ABCA1: variants seen among roughly 807,000 people sequenced by gnomAD.
ABCA1 encodes phospholipid-transporting ATPase ABCA1.
Under a neutral mutation model 262.5 loss-of-function variants are expected in ABCA1, and 133 were observed. The ratio of observed to expected loss-of-function variants is 0.51; its 90% CI spans 0.44 to 0.59. The LOEUF (loss-of-function observed/expected upper bound fraction) is 0.59. Ranked by LOEUF, ABCA1 falls within the 20% of genes least tolerant of loss-of-function variation. The pLI is 0.00. For missense variants in ABCA1, 2,452 were observed against 2,777.5 expected (o/e 0.88, Z 2.63); for synonymous variants, 1,022 against 1,043.5 (o/e 0.98, Z 0.40).
intron 22 of ABCA1, 146 bp from the exon 23 acceptor site, chr9:104,819,029 C>A: frequency 3.9e-6 from 3 of 772,816 alleles, no homozygotes; most frequent in Non-Finnish European, 6.7e-6. Flanking sequence ...GCTATGACCC[C>A]TAGAATGGCA....
At chr9:104,794,069 G>C (rs992160832) in intron 40 of ABCA1, among the ~76,000 whole-genome samples, 8 of 152,308 alleles carry the variant, frequency 5.3e-5, no homozygotes, top group Admixed American at 2.0e-4. Flanking sequence ...TCAAAGTTAT[G>C]GTTTGACTTT....
At chr9:104,840,597 G>C in intron 8 of ABCA1, 78 bp from the exon 9 acceptor site, 1 of 1,364,488 alleles carries the variant, frequency 7.3e-7, no homozygotes, top group Non-Finnish European at 1.0e-6. Flanking sequence ...GATGAGAAGA[G>C]AAAGAAACAT....
chr9:104,793,982 C>T (rs374220072), intron 40 of ABCA1, among the ~76,000 whole-genome samples: 1 of 152,042 alleles, frequency 6.6e-6, no homozygotes, highest in East Asian at 1.9e-4. Flanking sequence ...AATAAATGAC[C>T]TCATCTGCAG....
chr9:104,798,448 G>A lies in ABCA1; in HGVS notation c.5094C>T (p.Tyr1698=), dbSNP rs147570976. 84 of 1,614,230 alleles carry A rather than the reference G, an allele frequency of 5.2e-5. No individual in the cohort carries two copies. In the African/African-American group the frequency reaches 1.0e-3, roughly 19 times the overall value. The part of the protein sequence containing the change: ...QFISGVKPVI[Y]WLSNFVWDMC... ...TATCCCAGACAAAATTAGAGAGCCA[G>A]TAGATGACAGGCTTCACTCCACTGA... The change falls in exon 37 of 50, where the codon TAC becomes TAT. Residue 1698 remains tyrosine, a synonymous_variant. Coordinates refer to ENST00000374736, the MANE Select transcript of ABCA1 (RefSeq NM_005502.4).
intron 8 of ABCA1, among the ~76,000 whole-genome samples, chr9:104,843,280 C>T (rs1834550307): frequency 1.3e-5 from 2 of 152,218 alleles, no homozygotes; most frequent in African/African-American, 4.8e-5. Context: ...CAATGCCAGG[C>T]AGCTGGTCGG....
chr9:104,887,095 T>C (rs1429268461), intron 3 of ABCA1, among the ~76,000 whole-genome samples: 1 of 152,040 alleles, frequency 6.6e-6, no homozygotes, highest in East Asian at 1.9e-4. Context: ...GTGGTCAACA[T>C]GGCAAAACCC....
rs1208691126 is a variant in ABCA1 at position 104,858,650 on chromosome 9, A to T, written c.592T>A (p.Ser198Thr). The part of the protein sequence containing the change: ...QLHLTSLCNG[S>T]KSEEMIQLGD... The stretch of plus-strand genomic sequence containing the variant: ...AGTTGAATCATCTCTTCTGATTTTG[A>T]TCCATTGCACAGACTTGTCAAATGT... The change falls in exon 7 of 50, where the codon TCA (serine) becomes ACA (threonine). Residue 198 changes from serine to threonine, a missense_variant. Physicochemically the swap from Ser to Thr is moderately conservative, Grantham distance 58. Transcript: ENST00000374736. 2 of 1,614,216 alleles carry T rather than the reference A, an allele frequency of 1.2e-6. No individual in the cohort carries two copies. The highest frequency in any genetic ancestry group is 1.7e-6 in the Non-Finnish European group (2 of 1,180,042).
At chr9:104,913,224 G>T (rs1359508189) in intron 1 of ABCA1, among the ~76,000 whole-genome samples, 1 of 152,122 alleles carries the variant, frequency 6.6e-6, no homozygotes, top group Non-Finnish European at 1.5e-5. Context: ...ATTCTACCAT[G>T]CAGAAAACTC....
intron 7 of ABCA1, among the ~76,000 whole-genome samples, chr9:104,848,353 AC>A (rs1466230319): frequency 6.6e-6 from 1 of 152,018 alleles, no homozygotes; most frequent in African/African-American, 2.4e-5. Flanking sequence ...GGTGGCTCAC[AC>A]CTGTAATCTC....
chr9:104,902,272 C>T (rs1427153043), intron 2 of ABCA1, among the ~76,000 whole-genome samples: 6 of 152,070 alleles, frequency 3.9e-5, no homozygotes, highest in Non-Finnish European at 7.4e-5. Context: ...TTTCAAAGCC[C>T]AAGTTTATAT....
chr9:104,826,740 C>T (rs910982535), intron 16 of ABCA1, among the ~76,000 whole-genome samples: 2 of 152,190 alleles, frequency 1.3e-5, no homozygotes, highest in Non-Finnish European at 2.9e-5. Flanking sequence ...TTCAATTCAA[C>T]CAGGATTCAC....
chr9:104,808,769 A>C (rs1831014918), intron 30 of ABCA1, among the ~76,000 whole-genome samples: 2 of 152,092 alleles, frequency 1.3e-5, no homozygotes, highest in African/African-American at 4.8e-5. Context: ...TTTTTCAGAG[A>C]TCACTGTTGT....
intron 5 of ABCA1, among the ~76,000 whole-genome samples, chr9:104,862,659 C>CGGGCAGGGCAGGGCCGGGCAGGGCA (rs1836628479): frequency 1.0e-4 from 1 of 9,846 alleles, no homozygotes; most frequent in Admixed American, 1.1e-3. Flanking sequence ...CGGGCCGGGC[C>CGGGCAGGGCAGGGCCGGGCAGGGCA]GGGCCGGGCC....
intron 25 of ABCA1, among the ~76,000 whole-genome samples, chr9:104,815,516 CCT>C (rs1053408418): frequency 2.0e-5 from 3 of 152,130 alleles, no homozygotes; most frequent in Non-Finnish European, 2.9e-5. Context: ...GCCCCAAACC[CCT>C]GATTCTGAAT....
chr9:104,897,645 C>T (rs1387568576), intron 2 of ABCA1, among the ~76,000 whole-genome samples: 1 of 152,200 alleles, frequency 6.6e-6, no homozygotes, highest in Non-Finnish European at 1.5e-5. Context: ...CTCTGTCACC[C>T]AGGCAGGAGT....
chr9:104,913,486 T>C (rs1045132968), intron 1 of ABCA1, among the ~76,000 whole-genome samples: 3 of 152,220 alleles, frequency 2.0e-5, no homozygotes, highest in African/African-American at 7.2e-5. Context: ...AATTTCACAG[T>C]GAAGTATTCA....
chr9:104,855,676 G>C, intron 7 of ABCA1: 1 of 1,493,398 alleles, frequency 6.7e-7, no homozygotes, highest in East Asian at 2.5e-5. Context: ...TTATGTGTAT[G>C]TAGAAGAAGA....
intron 2 of ABCA1, among the ~76,000 whole-genome samples, chr9:104,899,265 A>C (rs1402082235): frequency 6.6e-6 from 1 of 152,222 alleles, no homozygotes; most frequent in Non-Finnish European, 1.5e-5. Context: ...CAGGGAAGAA[A>C]TGTGTCAGGT....
chr9:104,898,361 C>T (rs895869107), intron 2 of ABCA1, among the ~76,000 whole-genome samples: 1 of 151,814 alleles, frequency 6.6e-6, no homozygotes, highest in African/African-American at 2.4e-5. Flanking sequence ...CCAGCCTGGC[C>T]AATATGGTGA....
Sources: allele counts gnomAD v4.1 joint callset (sites outside exome capture counted in the v4.1 genomes callset), GRCh38; gene constraint gnomAD v4.1.1; transcripts MANE v1.5; gene names NCBI Gene and HGNC (gene_info 2026-07-23, HGNC 2026-07-21).